The following CAMK2D variants were observed in gnomAD, a reference collection of about 807,000 sequenced individuals.
The protein encoded by CAMK2D is calcium/calmodulin dependent protein kinase II delta.
A neutral mutation model predicts 84.0 loss-of-function variants in CAMK2D; 37 were observed. The ratio of observed to expected loss-of-function variants is 0.44; its 90% CI spans 0.34 to 0.58. CAMK2D has a LOEUF of 0.58. Ranked by LOEUF, CAMK2D falls within the 20% of genes least tolerant of loss-of-function variation. The probability of loss-of-function intolerance (pLI) is 0.02; values close to 1 mark genes in which losing one functional copy is unlikely to be tolerated. For synonymous variants in CAMK2D, 202 were observed against 212.5 expected (o/e 0.95, Z 0.43); for missense variants, 448 against 652.5 (o/e 0.69, Z 3.41).
chr4:113,550,645 G>A (rs2098620082), intron 5 of CAMK2D, among the ~76,000 whole-genome samples: 1 of 152,130 alleles, frequency 6.6e-6, no homozygotes, highest in Non-Finnish European at 1.5e-5. Context: ...ACTTTGAAGG[G>A]TAACATTAAT....
chr4:113,645,238 G>A (rs536477799), intron 3 of CAMK2D, among the ~76,000 whole-genome samples: 8 of 152,162 alleles, frequency 5.3e-5, no homozygotes, highest in Non-Finnish European at 7.4e-5. Context: ...GGATGGTCTC[G>A]ATCTCCTGAC....
chr4:113,481,386 G>A (rs1030007824), intron 16 of CAMK2D, among the ~76,000 whole-genome samples: 1 of 152,148 alleles, frequency 6.6e-6, no homozygotes, highest in Non-Finnish European at 1.5e-5. Flanking sequence ...AGAGGAACAG[G>A]AAACAAGTAA....
At chr4:113,615,354 A>C (rs1398625730) in intron 3 of CAMK2D, among the ~76,000 whole-genome samples, 7 of 152,132 alleles carry the variant, frequency 4.6e-5, no homozygotes, top group Admixed American at 3.9e-4. Context: ...CACACACACT[A>C]GTATTAGAAC....
intron 16 of CAMK2D, among the ~76,000 whole-genome samples, chr4:113,474,365 C>T (rs144110484): frequency 5.9e-4 from 90 of 152,236 alleles, no homozygotes; most frequent in African/African-American, 2.1e-3. Flanking sequence ...CTAAGGGTAT[C>T]TCTTCTCTCC....
At chr4:113,715,295 C>T (rs1234882284) in intron 2 of CAMK2D, among the ~76,000 whole-genome samples, 1 of 151,974 alleles carries the variant, frequency 6.6e-6, no homozygotes, top group Non-Finnish European at 1.5e-5. Context: ...CAGTATGAAA[C>T]CTTTTAACAG....
chr4:113,670,928 A>C (rs1020951287), intron 2 of CAMK2D, among the ~76,000 whole-genome samples: 16 of 145,092 alleles, frequency 1.1e-4, no homozygotes, highest in African/African-American at 3.7e-4. Flanking sequence ...ACTCCGTCTC[A>C]AAAAAAAAAA....
At chr4:113,606,735 G>A (rs987816135) in intron 4 of CAMK2D, among the ~76,000 whole-genome samples, 3 of 152,080 alleles carry the variant, frequency 2.0e-5, no homozygotes, top group Non-Finnish European at 1.5e-5. Context: ...ATGTCCAAAA[G>A]TTTCCCAGGT....
At chr4:113,629,033 T>TA (rs910635157) in intron 3 of CAMK2D, among the ~76,000 whole-genome samples, 2 of 151,744 alleles carry the variant, frequency 1.3e-5, no homozygotes, top group South Asian at 2.1e-4. Context: ...ACCTAAGCAG[T>TA]AAAATATATA....
chr4:113,633,748 G>T (rs1287505325), intron 3 of CAMK2D, among the ~76,000 whole-genome samples: 1 of 152,104 alleles, frequency 6.6e-6, no homozygotes, highest in Admixed American at 6.6e-5. Flanking sequence ...GTAACTGTGG[G>T]CAAAGTGCTT....
At chr4:113,727,059 A>G (rs2099548100) in intron 2 of CAMK2D, among the ~76,000 whole-genome samples, 1 of 152,190 alleles carries the variant, frequency 6.6e-6, no homozygotes, top group South Asian at 2.1e-4. Flanking sequence ...GTCTCCGCTC[A>G]TGTGTTCTTT....
Position 113,457,439 on chromosome 4 carries a change from C to T in CAMK2D, c.1431G>A (p.Met477Ile). Residue 477 changes from methionine to isoleucine, a missense_variant, in exon 19 of 21, where the codon ATG (methionine) becomes ATA (isoleucine). Transcript: ENST00000511664. Reference protein sequence around the residue: ...RLTQYMDGSGMPKTMQSEETR... With the variant: ...RLTQYMDGSGIPKTMQSEETR... ...TCTCTTCTGACTGCATTGTCTTTGG[C>T]ATTCCACTGCCATCCATGTACTGTG... 6.2e-7 allele frequency: 1 copy of T among 1,613,892 alleles called. No individual in the cohort carries two copies. Among genetic ancestry groups the T allele is most frequent in the Non-Finnish European group, 8.5e-7 (1 of 1,179,800 alleles).
intron 3 of CAMK2D, among the ~76,000 whole-genome samples, chr4:113,619,460 C>T (rs2099035857): frequency 6.6e-6 from 1 of 152,146 alleles, no homozygotes; most frequent in African/African-American, 2.4e-5. Context: ...AAATTCCATT[C>T]ATGGCCTAAA....
At chr4:113,619,780 G>C (rs191440366) in intron 3 of CAMK2D, among the ~76,000 whole-genome samples, 27 of 152,222 alleles carry the variant, frequency 1.8e-4, no homozygotes, top group Admixed American at 5.2e-4. Flanking sequence ...TATAAAGCTA[G>C]GATTTCATTG....
chr4:113,469,884 C>G (rs1163060692), intron 16 of CAMK2D, among the ~76,000 whole-genome samples: 1 of 152,156 alleles, frequency 6.6e-6, no homozygotes, highest in African/African-American at 2.4e-5. Context: ...TTCCTCTTCA[C>G]CCCCACTCTC....
chr4:113,666,833 C>G (rs1362292535), intron 2 of CAMK2D, among the ~76,000 whole-genome samples: 1 of 152,140 alleles, frequency 6.6e-6, no homozygotes, highest in Non-Finnish European at 1.5e-5. Flanking sequence ...GGCCTTTCGG[C>G]TTGTCAGCTT....
chr4:113,587,151 T>C (rs1270417034), intron 4 of CAMK2D, among the ~76,000 whole-genome samples: 1 of 152,018 alleles, frequency 6.6e-6, no homozygotes, highest in Non-Finnish European at 1.5e-5. Flanking sequence ...GCAAATAAAC[T>C]CTCCTCCCTC....
chr4:113,759,079 C>T (rs1021968208), intron 2 of CAMK2D: 1 of 265,408 alleles, frequency 3.8e-6, no homozygotes, highest in Non-Finnish European at 7.0e-6. Context: ...GTTATTCATG[C>T]TATTGCTCAT....
intron 2 of CAMK2D, among the ~76,000 whole-genome samples, chr4:113,752,969 T>C (rs1320775173): frequency 1.3e-5 from 2 of 152,090 alleles, no homozygotes; most frequent in East Asian, 1.9e-4. Flanking sequence ...CTCTGAAGTT[T>C]GTAAGATCAG....
At chr4:113,601,170 G>A (rs574187985) in intron 4 of CAMK2D, among the ~76,000 whole-genome samples, 4 of 152,176 alleles carry the variant, frequency 2.6e-5, no homozygotes, top group South Asian at 2.1e-4. Flanking sequence ...AAGTTTTCAC[G>A]AACATAAAGG....
Sources: allele counts gnomAD v4.1 joint callset (sites outside exome capture counted in the v4.1 genomes callset), GRCh38; gene constraint gnomAD v4.1.1; transcripts MANE v1.5; gene names NCBI Gene and HGNC (gene_info 2026-07-23, HGNC 2026-07-21).